DMXL1: variants seen among roughly 807,000 people sequenced by gnomAD.
DMXL1 encodes Dmx like 1.
A neutral mutation model predicts 319.2 loss-of-function variants in DMXL1; 99 were observed. The ratio of observed to expected loss-of-function variants is 0.31; its 90% CI spans 0.26 to 0.37. The LOEUF (loss-of-function observed/expected upper bound fraction) is 0.37. Ranked by LOEUF, DMXL1 falls within the 10% of genes least tolerant of loss-of-function variation. The pLI is 1.00. For missense variants in DMXL1, 3,745 were observed against 3,595.6 expected (o/e 1.04, Z -1.06); for synonymous variants, 1,385 against 1,235.2 (o/e 1.12, Z -2.54).
chr5:119,120,849 TAC>T, intron 8 of DMXL1, 120 bp from the exon 9 acceptor site: 3 of 758,336 alleles, frequency 4.0e-6, no homozygotes, highest in Non-Finnish European at 5.8e-6. Flanking sequence ...AAGGCGTTTT[TAC>T]ATATAAAACA....
At chr5:119,229,316 T>G (rs1018384294) in intron 38 of DMXL1, among the ~76,000 whole-genome samples, 6 of 152,182 alleles carry the variant, frequency 3.9e-5, no homozygotes, top group African/African-American at 1.4e-4. Context: ...CTCGATTTTG[T>G]GGTCAGATTG....
At chr5:119,242,860 C>T (rs1317233135) in intron 42 of DMXL1, among the ~76,000 whole-genome samples, 4 of 152,162 alleles carry the variant, frequency 2.6e-5, no homozygotes, top group Non-Finnish European at 4.4e-5. Flanking sequence ...AAACGATAGT[C>T]TTTTCAACAA....
At chr5:119,168,034 G>C (rs1773785876) in intron 23 of DMXL1, among the ~76,000 whole-genome samples, 170 bp downstream of exon 23, 1 of 152,054 alleles carries the variant, frequency 6.6e-6, no homozygotes, top group Non-Finnish European at 1.5e-5. Flanking sequence ...TAAATCCTTT[G>C]AAAACAAAGA....
At chr5:119,169,260 A>G (rs538243880) in intron 23 of DMXL1, among the ~76,000 whole-genome samples, 1 of 152,226 alleles carries the variant, frequency 6.6e-6, no homozygotes, top group Non-Finnish European at 1.5e-5. Flanking sequence ...ACATACTTTT[A>G]TTATGAATTA....
Position 119,133,629 on chromosome 5 carries a change from C to T in DMXL1, c.1705C>T (p.Leu569Phe), listed in dbSNP as rs773596416. 1.2e-6 allele frequency: 2 copies of T among 1,614,126 alleles called. No individual in the cohort carries two copies. Among genetic ancestry groups the T allele is most frequent in the Admixed American group, 1.7e-5 (1 of 60,018 alleles). Residue 569 changes from leucine (L) to phenylalanine (F), a missense_variant, in exon 12 of 44, where the codon CTC (leucine) becomes TTC (phenylalanine). Coordinates refer to ENST00000539542, the MANE Select transcript of DMXL1 (RefSeq NM_001290321.3). ...GCAGGGGAAACAAAAACCTTCTGGC[C>T]TCACCCGTTCCACATCAATGCTTAT... ...IQQGKQKPSG[L>F]TRSTSMLISS... is the part of the protein sequence containing the mutation.
chr5:119,176,607 T>C (rs940783948), intron 26 of DMXL1, among the ~76,000 whole-genome samples: 5 of 152,094 alleles, frequency 3.3e-5, no homozygotes, highest in East Asian at 1.9e-4. Context: ...CAAAATGTTA[T>C]AACCAATGAG....
rs779527923 is a variant in DMXL1, at chr5:119,110,169, G to C, written c.383G>C (p.Gly128Ala). 5.0e-6 allele frequency: 8 copies of C among 1,596,522 alleles called. No homozygotes were observed. In the South Asian group the frequency reaches 8.0e-5, roughly 16 times the overall value. ...WDPTGSRLLT[G>A]SSYLQLWSNT... ...TTTTTAGGCAGTCGTCTTTTAACTG[G>C]TTCCAGCTATTTGCAACTCTGGTCC... Residue 128 changes from glycine to alanine, a missense_variant, in exon 5 of 44, where the codon GGT (glycine) becomes GCT (alanine). By Grantham distance (60) the Gly-to-Ala change is moderately conservative. This residue lies in a region of DMXL1 where 2,096 missense variants were observed against 1,985.4 expected (regional missense o/e 1.06). Transcript: ENST00000539542.
intron 1 of DMXL1, among the ~76,000 whole-genome samples, chr5:119,079,576 C>G (rs1331716573): frequency 6.6e-6 from 1 of 152,358 alleles, no homozygotes; most frequent in Non-Finnish European, 1.5e-5. Context: ...CACTTCTTAA[C>G]TCACTATACT....
intron 37 of DMXL1, among the ~76,000 whole-genome samples, chr5:119,221,333 A>G (rs989929745): frequency 6.6e-5 from 10 of 152,224 alleles, no homozygotes; most frequent in African/African-American, 2.4e-4. Flanking sequence ...TATTTGAAAC[A>G]TGGTTCAGAT....
intron 26 of DMXL1, among the ~76,000 whole-genome samples, chr5:119,176,125 G>A (rs911529976): frequency 2.6e-5 from 4 of 151,854 alleles, no homozygotes; most frequent in African/African-American, 4.8e-5. Context: ...GTCTTATTTA[G>A]CAAGAATTTA....
At chr5:119,235,811 T>C (rs749002009) in intron 39 of DMXL1, among the ~76,000 whole-genome samples, 1 of 152,112 alleles carries the variant, frequency 6.6e-6, no homozygotes, top group Non-Finnish European at 1.5e-5. Flanking sequence ...AGAATTCTGA[T>C]GGACAAGGAA....
At chr5:119,097,869 T>G in intron 1 of DMXL1, 110 bp from the exon 2 acceptor site, 2 of 1,054,408 alleles carry the variant, frequency 1.9e-6, no homozygotes, top group South Asian at 1.7e-5. Flanking sequence ...AAAATTGGTC[T>G]TTTAAAACAT....
chr5:119,166,815 A>C, intron 22 of DMXL1, 34 bp downstream of exon 22: 1 of 1,546,180 alleles, frequency 6.5e-7, no homozygotes, highest in East Asian at 2.3e-5. Flanking sequence ...AAAGTATAGC[A>C]ATGTCATCTT....
intron 9 of DMXL1, among the ~76,000 whole-genome samples, chr5:119,126,131 A>C (rs1011819954): frequency 6.6e-6 from 1 of 152,080 alleles, no homozygotes; most frequent in Admixed American, 6.6e-5. Flanking sequence ...TAAAAATACA[A>C]AATTAGCCAG....
chr5:119,152,999 TAG>T (rs1770172095), intron 19 of DMXL1, among the ~76,000 whole-genome samples: 1 of 151,990 alleles, frequency 6.6e-6, no homozygotes, highest in Admixed American at 6.6e-5. Flanking sequence ...TTTTTTGAGA[TAG>T]AGTCTTGCTC....
At chr5:119,199,970 A>G (rs1780400183) in intron 32 of DMXL1, among the ~76,000 whole-genome samples, 1 of 152,064 alleles carries the variant, frequency 6.6e-6, no homozygotes, top group Non-Finnish European at 1.5e-5. Context: ...TAGATGCTGG[A>G]TATTAGACCT....
intron 42 of DMXL1, among the ~76,000 whole-genome samples, chr5:119,243,076 G>A (rs1234598428): frequency 6.6e-6 from 1 of 152,144 alleles, no homozygotes; most frequent in Non-Finnish European, 1.5e-5. Flanking sequence ...GGGGCATGAA[G>A]GAACGTTCTG....
intron 10 of DMXL1, among the ~76,000 whole-genome samples, chr5:119,131,831 A>C (rs552849003): frequency 6.6e-6 from 1 of 152,194 alleles, no homozygotes; most frequent in African/African-American, 2.4e-5. Context: ...CCCATTTCTT[A>C]TTAATATGAA....
chr5:119,129,999 G>T (rs909780434), intron 10 of DMXL1, among the ~76,000 whole-genome samples: 2 of 152,258 alleles, frequency 1.3e-5, no homozygotes, highest in Admixed American at 6.5e-5. Flanking sequence ...TCCTGACTCT[G>T]TAGCCTTTAT....
Sources: gnomAD v4.1 joint callset for allele counts (sites outside exome capture counted in the v4.1 genomes callset) on GRCh38, gnomAD v4.1.1 for gene constraint, gnomAD v4.1.1 regional missense constraint, MANE v1.5 for transcripts, NCBI Gene and HGNC (gene_info 2026-07-23, HGNC 2026-07-21) for gene names.